Variants in TRERF1 observed in about 807,000 individuals in gnomAD.
TRERF1 encodes the protein transcriptional-regulating factor 1.
A neutral mutation model predicts 122.9 loss-of-function variants in TRERF1; 27 were observed. The ratio of observed to expected loss-of-function variants is 0.22; its 90% CI spans 0.16 to 0.30. The LOEUF is 0.30. Ranked by LOEUF, TRERF1 falls within the 10% of genes least tolerant of loss-of-function variation. TRERF1 has a pLI of 1.00. For synonymous variants in TRERF1, 636 were observed against 641.7 expected, an observed-to-expected ratio of 0.99 and a Z score of 0.13; for missense variants, 1,248 against 1,560.3, an observed-to-expected ratio of 0.80 and a Z score of 3.37.
chr6:42,269,135 G>A lies in TRERF1; in HGVS notation c.456C>T (p.Asn152=), dbSNP rs376784810. The A allele has an allele frequency of 1.9e-6, 3 of 1,614,118 alleles. No individual in the cohort carries two copies. The highest frequency in any genetic ancestry group is 2.7e-5 in the African/African-American group (2 of 74,926). The change falls in exon 5 of 18, where the codon AAC becomes AAT. Residue 152 remains asparagine, a synonymous_variant. Transcript: ENST00000372922. The surrounding 1 kb of genome is among the most constrained non-coding windows in gnomAD (Gnocchi z 4.9). The stretch of plus-strand genomic sequence containing the variant: ...TGTTGACCTGAATTCGCAGGTTTTG[G>A]TTGGCAAACACCTGGGTGAAAGAGT...
rs1170288771 is a variant in TRERF1, at chr6:42,362,990, A to G, written c.-371+7T>C. On this transcript the variant is annotated splice_region_variant and intron_variant, in intron 3 of 17. Coordinates refer to ENST00000372922, the Ensembl canonical transcript of TRERF1. Reference sequence around the variant, plus strand: ...TATTCCAACACCAAGAACTCCCGAGAAGCGACCTGTTTGAGGATGAAGAGG... The same window carrying G: ...TATTCCAACACCAAGAACTCCCGAGGAGCGACCTGTTTGAGGATGAAGAGG... 6.5e-6 allele frequency: 1 copy of G among 153,758 alleles called. No individual in the cohort carries two copies. Among genetic ancestry groups the G allele is most frequent in the Non-Finnish European group, 1.5e-5 (1 of 68,090 alleles). 9.5% of individuals were successfully genotyped at this position (153,758 alleles called of 1,614,324 possible).
intron 17 of TRERF1, among the ~76,000 whole-genome samples, chr6:42,230,349 CG>C (rs1349414344): frequency 2.0e-5 from 3 of 150,842 alleles, no homozygotes; most frequent in African/African-American, 7.3e-5. Flanking sequence ...TTCCAAGCAA[CG>C]TAAGACTCCA....
chr6:42,449,780 C>T (rs1407383495), intron 2 of TRERF1, among the ~76,000 whole-genome samples: 1 of 152,206 alleles, frequency 6.6e-6, no homozygotes, highest in Admixed American at 6.5e-5. Flanking sequence ...CAAATATCAA[C>T]CCTCAATCTG....
intron 2 of TRERF1, among the ~76,000 whole-genome samples, chr6:42,394,761 T>C (rs1052917445): frequency 6.6e-6 from 1 of 151,764 alleles, no homozygotes; most frequent in African/African-American, 2.4e-5. Flanking sequence ...GATTTGAGAA[T>C]ATTAAAAAAA....
intron 4 of TRERF1, among the ~76,000 whole-genome samples, chr6:42,286,534 T>C (rs1341543690): frequency 7.0e-6 from 1 of 142,636 alleles, no homozygotes. Context: ...AAAAAACACA[T>C]GAAAAAACGC....
Position 42,269,499 on chromosome 6 carries a change from C to A in TRERF1, c.92G>T (p.Gly31Val). Residue 31 changes from glycine to valine, a missense_variant, in exon 5 of 18, where the codon GGG (glycine) becomes GTG (valine). Gly to Val is a moderately radical substitution (Grantham distance 109). This residue lies in a region of TRERF1 where 946 missense variants were observed against 1,073.0 expected (regional missense o/e 0.88). Transcript: ENST00000372922. The surrounding 1 kb of genome is among the most constrained non-coding windows in gnomAD (Gnocchi z 4.9). ...TGCATTCCCATAGTTGTGGTTCAGC[C>A]CGCTGTGGACGCCAAGTGGTGGCTG... 6.2e-7 allele frequency: 1 copy of A among 1,614,188 alleles called. No individual in the cohort carries two copies. Among genetic ancestry groups the A allele is most frequent in the Non-Finnish European group, 8.5e-7 (1 of 1,180,028 alleles).
chr6:42,339,384 A>C (rs1462968030), intron 3 of TRERF1, among the ~76,000 whole-genome samples: 2 of 151,678 alleles, frequency 1.3e-5, no homozygotes, highest in Non-Finnish European at 2.9e-5. Context: ...TTTCCTATTC[A>C]TCTCCTCCGT....
Position 42,275,594 on chromosome 6 carries a change from A to G in TRERF1, c.-258-5746T>C, listed in dbSNP as rs1054201585. 2.6e-5 allele frequency among the ~76,000 whole-genome samples: 4 copies of G among 152,236 alleles called. No homozygotes were observed. Among genetic ancestry groups the G allele is most frequent in the Admixed American group, 2.0e-4 (3 of 15,286 alleles). On this transcript the variant is annotated intron_variant, in intron 4 of 17. Coordinates refer to ENST00000372922, the Ensembl canonical transcript of TRERF1. The surrounding 1 kb of genome is among the most constrained non-coding windows in gnomAD (Gnocchi z 4.1). ...GGGACTGGGACATAGCAGATGCTCA[A>G]CAAACGCTCACTGAACTGCAACACT...
chr6:42,312,363 C>T (rs1043251754), intron 3 of TRERF1, among the ~76,000 whole-genome samples: 8 of 152,162 alleles, frequency 5.3e-5, no homozygotes, highest in African/African-American at 1.2e-4. Flanking sequence ...AAGAGAGCTA[C>T]GGAGTCTTTC....
chr6:42,377,488 G>A (rs1775117286), intron 2 of TRERF1, among the ~76,000 whole-genome samples: 1 of 152,186 alleles, frequency 6.6e-6, no homozygotes, highest in African/African-American at 2.4e-5. Flanking sequence ...GTTGTAGCAT[G>A]TATCAGTACT....
intron 3 of TRERF1, among the ~76,000 whole-genome samples, chr6:42,308,053 C>A (rs903939563): frequency 1.3e-5 from 2 of 152,220 alleles, no homozygotes; most frequent in Non-Finnish European, 2.9e-5. Context: ...GAGGGCAGTT[C>A]AGCTGGTTTC....
At chr6:42,385,254 G>A (rs557997499) in intron 2 of TRERF1, among the ~76,000 whole-genome samples, 2 of 152,254 alleles carry the variant, frequency 1.3e-5, no homozygotes, top group African/African-American at 4.8e-5. Flanking sequence ...CGAGATTACA[G>A]GTGTGAGCCA....
At chr6:42,346,283 G>A (rs1383740726) in intron 3 of TRERF1, among the ~76,000 whole-genome samples, 1 of 152,238 alleles carries the variant, frequency 6.6e-6, no homozygotes, top group East Asian at 1.9e-4. Flanking sequence ...TTCCAGGCAG[G>A]GGGTGCTGCT....
intron 2 of TRERF1, among the ~76,000 whole-genome samples, chr6:42,425,302 T>C (rs979895411): frequency 2.0e-5 from 3 of 152,168 alleles, no homozygotes; most frequent in Non-Finnish European, 4.4e-5. Context: ...TGTCACTTAC[T>C]GGATTATTCA....
At chr6:42,369,452 T>TGAACAAAC (rs1773376384) in intron 2 of TRERF1, among the ~76,000 whole-genome samples, 1 of 151,822 alleles carries the variant, frequency 6.6e-6, no homozygotes, top group African/African-American at 2.4e-5. Flanking sequence ...TCAAAAAATA[T>TGAACAAAC]GAACAAACAA....
intron 3 of TRERF1, among the ~76,000 whole-genome samples, chr6:42,306,389 G>A (rs1323162822): frequency 1.3e-5 from 2 of 152,140 alleles, no homozygotes; most frequent in African/African-American, 4.8e-5. Context: ...AGGGGATCCT[G>A]CCCAGACCAT....
intron 2 of TRERF1, among the ~76,000 whole-genome samples, chr6:42,380,301 T>C (rs1326548660): frequency 9.2e-5 from 14 of 152,164 alleles, no homozygotes; most frequent in Admixed American, 8.5e-4. Context: ...CTGGGGGAGA[T>C]GGAGCATGCA....
At chr6:42,359,597 G>T (rs995193852) in intron 3 of TRERF1, among the ~76,000 whole-genome samples, 5 of 152,164 alleles carry the variant, frequency 3.3e-5, no homozygotes, top group Non-Finnish European at 7.3e-5. Context: ...GGTGGCGTGC[G>T]CCTGCAGTCC....
At chr6:42,373,539 C>T (rs1194478509) in intron 2 of TRERF1, among the ~76,000 whole-genome samples, 1 of 151,962 alleles carries the variant, frequency 6.6e-6, no homozygotes, top group Non-Finnish European at 1.5e-5. Context: ...TGGTGGCGGG[C>T]ACCTGTAGTC....
Sources: gnomAD v4.1 joint callset for allele counts (sites outside exome capture counted in the v4.1 genomes callset) on GRCh38, gnomAD v4.1.1 for gene constraint, gnomAD v4.1.1 regional missense constraint, Gnocchi (gnomAD v3.1) non-coding constraint, MANE v1.5 for transcripts, NCBI Gene and HGNC (gene_info 2026-07-23, HGNC 2026-07-21) for gene names.